Variants in SGCZ observed in about 807,000 individuals in gnomAD.
SGCZ encodes the protein sarcoglycan zeta.
In SGCZ, 40 loss-of-function variants were observed where a neutral mutation model predicts 41.3. The observed-to-expected ratio is 0.97, with a 90% CI of 0.75 to 1.26. SGCZ has a LOEUF of 1.26. Ranked by LOEUF, SGCZ falls within the 50% of genes most tolerant of loss-of-function variation. The pLI is 0.00. For missense variants in SGCZ, 552 were observed against 369.8 expected (o/e 1.49, Z -4.04); for synonymous variants, 206 against 137.5 (o/e 1.50, Z -3.49).
chr8:14,921,102 C>T (rs889318784), intron 1 of SGCZ, among the ~76,000 whole-genome samples: 13 of 152,178 alleles, frequency 8.5e-5, no homozygotes, highest in African/African-American at 3.1e-4. Flanking sequence ...AGCTTCAGAG[C>T]TTGCAGTGGA....
chr8:15,094,479 G>A (rs1232951338), intron 1 of SGCZ, among the ~76,000 whole-genome samples: 9 of 152,148 alleles, frequency 5.9e-5, no homozygotes, highest in African/African-American at 2.2e-4. Context: ...GGACACATAT[G>A]AGCCGGGAAT....
chr8:15,212,387 C>A (rs998590654), intron 1 of SGCZ, among the ~76,000 whole-genome samples: 6 of 152,092 alleles, frequency 3.9e-5, no homozygotes, highest in Non-Finnish European at 5.9e-5. Context: ...ATCAGCCCAA[C>A]ATTTTTTAAA....
At chr8:15,084,445 T>C (rs1308587640) in intron 1 of SGCZ, among the ~76,000 whole-genome samples, 1 of 152,122 alleles carries the variant, frequency 6.6e-6, no homozygotes, top group Non-Finnish European at 1.5e-5. Flanking sequence ...AATATTAGAA[T>C]ACTTCCCAAA....
Position 14,537,148 on chromosome 8 carries a change from A to G in SGCZ, c.234+17584T>C, listed in dbSNP as rs560734679. 4.6e-5 allele frequency among the ~76,000 whole-genome samples: 7 copies of G among 152,030 alleles called. No individual in the cohort carries two copies. The South Asian group carries it at 1.2e-3, about 27-fold the overall frequency. Reference sequence around the variant, plus strand: ...TCCTGGTTAAAGATGTCCACTCTGTAAGCTCTGCAATAGAGTTATCTCCTG... The same window carrying G: ...TCCTGGTTAAAGATGTCCACTCTGTGAGCTCTGCAATAGAGTTATCTCCTG... On this transcript the variant is annotated intron_variant, in intron 2 of 7. Transcript: ENST00000382080.
chr8:14,830,638 C>T (rs755184280), intron 1 of SGCZ, among the ~76,000 whole-genome samples: 8 of 152,034 alleles, frequency 5.3e-5, no homozygotes, highest in Non-Finnish European at 1.2e-4. Context: ...CCAGAGTAGA[C>T]AAAACTAATA....
At chr8:14,538,740 G>A (rs1224620218) in intron 2 of SGCZ, among the ~76,000 whole-genome samples, 1 of 152,036 alleles carries the variant, frequency 6.6e-6, no homozygotes, top group Non-Finnish European at 1.5e-5. Context: ...AGAAGAGTTA[G>A]GCATGAATTA....
At chr8:15,040,310 G>T (rs937273511) in intron 1 of SGCZ, among the ~76,000 whole-genome samples, 6 of 152,062 alleles carry the variant, frequency 3.9e-5, no homozygotes. Flanking sequence ...AATGTCCTAT[G>T]GTCTTTTTAA....
At chr8:15,022,102 A>G (rs1446591553) in intron 1 of SGCZ, among the ~76,000 whole-genome samples, 1 of 152,226 alleles carries the variant, frequency 6.6e-6, no homozygotes, top group Non-Finnish European at 1.5e-5. Context: ...CGTTAAGGTG[A>G]CCTGATCAAG....
chr8:15,137,364 A>T (rs1209890033), intron 1 of SGCZ, among the ~76,000 whole-genome samples: 2 of 152,246 alleles, frequency 1.3e-5, no homozygotes, highest in Admixed American at 1.3e-4. Context: ...TTTTCTGGGG[A>T]GAAATTCAAG....
At chr8:14,224,484 G>A (rs190677503) in intron 4 of SGCZ, among the ~76,000 whole-genome samples, 15 of 152,290 alleles carry the variant, frequency 9.8e-5, no homozygotes, top group Admixed American at 3.3e-4. Context: ...CGCTGCCCTG[G>A]CTTTGTGATA....
chr8:14,924,568 C>T (rs1284880460), intron 1 of SGCZ, among the ~76,000 whole-genome samples: 2 of 151,732 alleles, frequency 1.3e-5, no homozygotes, highest in African/African-American at 2.4e-5. Context: ...CTATTTACAT[C>T]AGAAGCTTAT....
chr8:15,107,001 T>A (rs1355277272), intron 1 of SGCZ, among the ~76,000 whole-genome samples: 2 of 152,192 alleles, frequency 1.3e-5, no homozygotes, highest in Non-Finnish European at 2.9e-5. Flanking sequence ...TATGGTAGAC[T>A]GTATTGATGG....
chr8:15,131,285 G>C (rs750027469), intron 1 of SGCZ, among the ~76,000 whole-genome samples: 24 of 152,150 alleles, frequency 1.6e-4, no homozygotes, highest in Non-Finnish European at 2.8e-4. Flanking sequence ...TCTCATGGTA[G>C]TAAGTCTCAT....
intron 3 of SGCZ, among the ~76,000 whole-genome samples, chr8:14,307,723 A>AT (rs1187684988): frequency 2.6e-5 from 4 of 152,062 alleles, no homozygotes; most frequent in Non-Finnish European, 5.9e-5. Context: ...CAAAGTGGTG[A>AT]TTTTTTTCAT....
chr8:14,142,862 A>G (rs1220258974), intron 5 of SGCZ, among the ~76,000 whole-genome samples: 2 of 152,064 alleles, frequency 1.3e-5, no homozygotes, highest in Non-Finnish European at 2.9e-5. Context: ...TGCCCCAGCC[A>G]TGTAAGATGT....
chr8:14,134,327 C>G (rs947904784), intron 5 of SGCZ, among the ~76,000 whole-genome samples: 2 of 152,100 alleles, frequency 1.3e-5, no homozygotes, highest in Non-Finnish European at 2.9e-5. Context: ...ACTTTCAGAG[C>G]CAGTACATGT....
intron 2 of SGCZ, among the ~76,000 whole-genome samples, chr8:14,522,902 T>C (rs1802832618): frequency 6.6e-6 from 1 of 151,792 alleles, no homozygotes; most frequent in Admixed American, 6.6e-5. Flanking sequence ...TTTCAGAAAA[T>C]ATTTTATGTT....
intron 1 of SGCZ, among the ~76,000 whole-genome samples, chr8:14,595,400 AACACACAC>A (rs34287378): frequency 0.01 from 1,385 of 136,388 alleles, 10 homozygotes; most frequent in Middle Eastern, 0.019. Context: ...AACATGCACA[AACACACAC>A]ACACACACAC....
rs1232393534 is a variant in SGCZ, at chr8:14,594,093, T to A, written c.40-39167A>T. Among the ~76,000 whole-genome samples, 6 of 151,916 alleles carry A rather than the reference T, an allele frequency of 3.9e-5. No homozygotes were observed. The East Asian group carries it at 9.7e-4, about 25-fold the overall frequency. ...AGGAGGCTGACGTGGGAGAATTGCTTCAGCCCGGGAGGTGGAGGTTACAGT... is the reference window on the plus strand; with the variant it reads ...AGGAGGCTGACGTGGGAGAATTGCTACAGCCCGGGAGGTGGAGGTTACAGT... On this transcript the variant is annotated intron_variant, in intron 1 of 7. Transcript: ENST00000382080.
Sources: allele counts gnomAD v4.1 joint callset (sites outside exome capture counted in the v4.1 genomes callset), GRCh38; gene constraint gnomAD v4.1.1; transcripts MANE v1.5; gene names NCBI Gene and HGNC (gene_info 2026-07-23, HGNC 2026-07-21).